The following KCNT2 variants were observed in gnomAD, a reference collection of about 807,000 sequenced individuals.
The protein encoded by KCNT2 is potassium sodium-activated channel subfamily T member 2, also known as potassium channel subfamily T member 2.
In KCNT2, 67 loss-of-function variants were observed where a neutral mutation model predicts 153.8. The ratio of observed to expected loss-of-function variants is 0.44; its 90% CI spans 0.36 to 0.53. The LOEUF (loss-of-function observed/expected upper bound fraction) is 0.53. Among genes scored for constraint, KCNT2 ranks in the 20% least tolerant of loss-of-function variants. The pLI is 0.00. For synonymous variants in KCNT2, 500 were observed against 458.8 expected (o/e 1.09, Z -1.15); for missense variants, 975 against 1,354.8 (o/e 0.72, Z 4.40).
chr1:196,307,070 A>C (rs1373869506), intron 21 of KCNT2, among the ~76,000 whole-genome samples: 1 of 152,044 alleles, frequency 6.6e-6, no homozygotes, highest in Non-Finnish European at 1.5e-5. Flanking sequence ...GCTGACTTTT[A>C]ATGTTAAAAA....
intron 25 of KCNT2, among the ~76,000 whole-genome samples, chr1:196,261,508 C>A (rs1037349854): frequency 6.6e-6 from 1 of 151,286 alleles, no homozygotes; most frequent in African/African-American, 2.4e-5. Context: ...TATAAAAGGA[C>A]AGTAAAAGGA....
At chr1:196,571,184 G>A (rs1660737796) in intron 1 of KCNT2, among the ~76,000 whole-genome samples, 1 of 152,048 alleles carries the variant, frequency 6.6e-6, no homozygotes. Context: ...AGATATTTTT[G>A]CAAAGATATG....
At chr1:196,492,644 G>A (rs1057063963) in intron 1 of KCNT2, among the ~76,000 whole-genome samples, 1 of 152,040 alleles carries the variant, frequency 6.6e-6, no homozygotes, top group African/African-American at 2.4e-5. Context: ...TGAGTGGCAT[G>A]GATTATTCAA....
intron 27 of KCNT2, among the ~76,000 whole-genome samples, chr1:196,233,498 T>C (rs1654139250): frequency 6.6e-6 from 1 of 151,478 alleles, no homozygotes; most frequent in Admixed American, 6.6e-5. Context: ...TGTATTTATA[T>C]TTTTGGAAAA....
At chr1:196,357,656 G>A (rs1378313536) in intron 14 of KCNT2, among the ~76,000 whole-genome samples, 1 of 151,830 alleles carries the variant, frequency 6.6e-6, no homozygotes, top group African/African-American at 2.4e-5. Flanking sequence ...AGGGTGGGAG[G>A]CATCCATTTT....
chr1:196,314,936 T>C (rs900046587), intron 21 of KCNT2, among the ~76,000 whole-genome samples: 4 of 151,746 alleles, frequency 2.6e-5, no homozygotes, highest in Non-Finnish European at 4.4e-5. Context: ...ATATTGTGAT[T>C]AATATATTGA....
At chr1:196,447,723 A>G (rs988577807) in intron 8 of KCNT2, among the ~76,000 whole-genome samples, 3 of 151,476 alleles carry the variant, frequency 2.0e-5, no homozygotes, top group Admixed American at 2.0e-4. Flanking sequence ...TTTAAGGGAT[A>G]GGGTGAATAG....
At chr1:196,521,614 A>C (rs1270075029) in intron 1 of KCNT2, among the ~76,000 whole-genome samples, 1 of 152,208 alleles carries the variant, frequency 6.6e-6, no homozygotes, top group Non-Finnish European at 1.5e-5. Flanking sequence ...AATACTACTC[A>C]GCCATAAAAA....
At position 196,573,635 on chromosome 1, in the gene KCNT2, A is replaced by G. The variant is rs562167684; in HGVS notation, c.95+34580T>C. Among the ~76,000 whole-genome samples, 27 of 152,182 alleles carry G rather than the reference A, an allele frequency of 1.8e-4. No homozygotes were observed. The South Asian group carries it at 4.8e-3, about 27-fold the overall frequency. ...AAATAACTAATAAATAAAATATGAA[A>G]GAAGAGAAAGGAGGAAGAAAGAGAC... On this transcript the variant is annotated intron_variant, in intron 1 of 27. Coordinates refer to ENST00000294725, the MANE Select transcript of KCNT2 (RefSeq NM_198503.5).
In KCNT2 at chr1:196,425,866, G is replaced by T; in HGVS notation, c.1107C>A (p.Asp369Glu). Residue 369 changes from aspartate to glutamate, a missense_variant, in exon 11 of 28, where the codon GAC becomes GAA. Around this residue, in one of 6 missense-constraint regions of KCNT2, gnomAD observed 202 missense variants for 314.9 expected, o/e 0.64. Transcript: ENST00000294725. ...YLQGSALKDQ[D>E]LLRAKMDDAE... ...GGGATACCTACTTTGCTCTCAATAGGTCTTGATCTTTAAGGGCTGAACCTT... is the reference window on the plus strand; with the variant it reads ...GGGATACCTACTTTGCTCTCAATAGTTCTTGATCTTTAAGGGCTGAACCTT... 6.2e-7 allele frequency: 1 copy of T among 1,612,374 alleles called. No individual in the cohort carries two copies. Among genetic ancestry groups the T allele is most frequent in the Non-Finnish European group, 8.5e-7 (1 of 1,178,920 alleles).
rs188143999 is a variant in KCNT2, at chr1:196,566,391, C to A, written c.95+41824G>T. 1.4e-3 allele frequency among the ~76,000 whole-genome samples: 214 copies of A among 152,076 alleles called. 1 individual carries two copies. The highest frequency in any genetic ancestry group is 4.6e-3 in the African/African-American group (189 of 41,526). ...TTGCAAAGTTTAGATTGTGTCTTTT[C>A]AGTCATGAAGAAGGAATGGGGATAC... is the stretch of plus-strand genomic sequence containing the variant. On this transcript the variant is annotated intron_variant, in intron 1 of 27. Coordinates refer to ENST00000294725, the MANE Select transcript of KCNT2 (RefSeq NM_198503.5).
intron 21 of KCNT2, among the ~76,000 whole-genome samples, chr1:196,312,282 A>C (rs1187141294): frequency 1.3e-5 from 2 of 151,668 alleles, no homozygotes; most frequent in African/African-American, 4.8e-5. Context: ...TTCTGAGTAA[A>C]GGAGTGGAGA....
chr1:196,423,170 G>A, intron 11 of KCNT2, 57 bp from the exon 12 acceptor site: 1 of 1,168,386 alleles, frequency 8.6e-7, no homozygotes, highest in Non-Finnish European at 1.2e-6. Flanking sequence ...CAGGTTTTCT[G>A]AAAAATAGAA....
At chr1:196,460,257 T>G (rs1323204729) in intron 8 of KCNT2, among the ~76,000 whole-genome samples, 3 of 151,806 alleles carry the variant, frequency 2.0e-5, no homozygotes, top group Non-Finnish European at 4.4e-5. Context: ...CATATCTTTT[T>G]GCCAGAAGCC....
intron 19 of KCNT2, among the ~76,000 whole-genome samples, chr1:196,323,361 C>A (rs1039180761): frequency 1.3e-5 from 2 of 151,874 alleles, no homozygotes; most frequent in African/African-American, 2.4e-5. Context: ...TATATTCTAG[C>A]TTTTGACTTG....
At chr1:196,584,207 C>T (rs1023157784) in intron 1 of KCNT2, among the ~76,000 whole-genome samples, 2 of 13,474 alleles carry the variant, frequency 1.5e-4, no homozygotes, top group African/African-American at 2.9e-4. Context: ...AATAGAAGCT[C>T]CCGCCCAAAC....
At chr1:196,518,901 A>G (rs946751433) in intron 1 of KCNT2, among the ~76,000 whole-genome samples, 1 of 152,226 alleles carries the variant, frequency 6.6e-6, no homozygotes, top group African/African-American at 2.4e-5. Flanking sequence ...AAAATTAACA[A>G]GGACATTCAG....
intron 22 of KCNT2, among the ~76,000 whole-genome samples, chr1:196,297,118 TTCTC>T (rs971026729): frequency 6.6e-6 from 1 of 151,674 alleles, no homozygotes; most frequent in African/African-American, 2.4e-5. Context: ...CTCTCTCTCT[TTCTC>T]TCTCTTTCTG....
chr1:196,287,805 A>T (rs1430272919), intron 22 of KCNT2, among the ~76,000 whole-genome samples: 1 of 152,126 alleles, frequency 6.6e-6, no homozygotes, highest in Non-Finnish European at 1.5e-5. Context: ...TTATCAGTTA[A>T]TAGAAGTATT....
Sources: gnomAD v4.1 joint callset for allele counts (sites outside exome capture counted in the v4.1 genomes callset) on GRCh38, gnomAD v4.1.1 for gene constraint, gnomAD v4.1.1 regional missense constraint, MANE v1.5 for transcripts, NCBI Gene and HGNC (gene_info 2026-07-23, HGNC 2026-07-21) for gene names.